The following GABRB1 variants were observed in gnomAD, a reference collection of about 807,000 sequenced individuals.
GABRB1 encodes gamma-aminobutyric acid receptor subunit beta-1.
Under a neutral mutation model 51.6 loss-of-function variants are expected in GABRB1, and 17 were observed. That is an observed-to-expected ratio of 0.33 (90% confidence interval 0.23 to 0.49). The LOEUF is 0.49. Among genes scored for constraint, GABRB1 ranks in the 20% least tolerant of loss-of-function variants. GABRB1 has a pLI of 0.99. For missense variants in GABRB1, 410 were observed against 600.6 expected (o/e 0.68, Z 3.32); for synonymous variants, 247 against 218.9 (o/e 1.13, Z -1.14).
At chr4:47,425,645 G>C (rs1290214166) in intron 8 of GABRB1, 29 bp from the exon 9 acceptor site, 2 of 1,532,802 alleles carry the variant, frequency 1.3e-6, no homozygotes, top group African/African-American at 1.4e-5. Context: ...CCTGCAACTT[G>C]TGTCCGAGCC....
chr4:47,341,538 A>C (rs1040018071), intron 5 of GABRB1, among the ~76,000 whole-genome samples: 6 of 152,196 alleles, frequency 3.9e-5, no homozygotes, highest in African/African-American at 1.4e-4. Context: ...TTAATGAACA[A>C]TGGTGGTCTG....
At chr4:47,085,736 C>T (rs946023020) in intron 3 of GABRB1, among the ~76,000 whole-genome samples, 7 of 152,154 alleles carry the variant, frequency 4.6e-5, no homozygotes, top group Admixed American at 3.9e-4. Flanking sequence ...TTGCTGGTCT[C>T]ATCTGAAGTC....
chr4:47,160,364 T>C (rs1717888663), intron 3 of GABRB1, among the ~76,000 whole-genome samples: 1 of 152,140 alleles, frequency 6.6e-6, no homozygotes, highest in African/African-American at 2.4e-5. Context: ...ACATCTCCAT[T>C]TGTATGTGCC....
chr4:47,260,516 G>A (rs1379379362), intron 4 of GABRB1, among the ~76,000 whole-genome samples: 5 of 152,242 alleles, frequency 3.3e-5, no homozygotes, highest in Admixed American at 1.3e-4. Flanking sequence ...TTTTAGGGCA[G>A]GCCTGGTGGT....
upstream of GABRB1, among the ~76,000 whole-genome samples, chr4:47,027,993 T>C (rs1174353242): frequency 2.0e-5 from 3 of 151,728 alleles, no homozygotes; most frequent in Admixed American, 6.6e-5. Flanking sequence ...CCCCAAAGTA[T>C]ATGAAATTGT....
At position 47,425,813 on chromosome 4, in the gene GABRB1, C is replaced by G. The variant is rs760363817; in HGVS notation, c.1220C>G (p.Pro407Arg). 3 of 1,614,044 alleles carry G rather than the reference C, an allele frequency of 1.9e-6. No individual in the cohort carries two copies. The Admixed American group carries it at 5.0e-5, about 27-fold the overall frequency. The change falls in exon 9 of 9, where the codon CCC becomes CGC. Residue 407 changes from proline to arginine, a missense_variant. By Grantham distance (103) the Pro-to-Arg change is moderately radical (BLOSUM62 -2). This residue lies in a region of GABRB1 where 181 missense variants were observed against 195.6 expected (regional missense o/e 0.93). Coordinates refer to ENST00000295454, the MANE Select transcript of GABRB1 (RefSeq NM_000812.4). ...YDSASIQYRKPLSSREAYGRA... is the reference protein window; with the variant it reads ...YDSASIQYRKRLSSREAYGRA... ...AGCGCCAGCATCCAGTACCGCAAGC[C>G]CCTGAGCAGCCGCGAGGCCTACGGG...
chr4:47,403,540 C>G lies in GABRB1; in HGVS notation c.683-19C>G. On this transcript the variant is annotated intron_variant, in intron 6 of 8. Transcript: ENST00000295454. ...ACCAAATAATGGTCTGATTACTTGTCTTTTGTTTCTCAACTCAGGAGCGTA... is the reference window on the plus strand; with the variant it reads ...ACCAAATAATGGTCTGATTACTTGTGTTTTGTTTCTCAACTCAGGAGCGTA... 1.2e-6 allele frequency: 2 copies of G among 1,613,612 alleles called. No individual in the cohort carries two copies. Among genetic ancestry groups the G allele is most frequent in the Middle Eastern group, 3.3e-4 (2 of 6,060 alleles).
chr4:47,008,852 C>CTTTGTTTTTTT, intron 1 of GABRB1, among the ~76,000 whole-genome samples: 1 of 56,486 alleles, frequency 1.8e-5, no homozygotes, highest in Non-Finnish European at 3.0e-5. Flanking sequence ...TCAGATACTA[C>CTTTGTTTTTTT]CTTTTTTTTT....
Position 47,020,005 on chromosome 4 carries a change from C to T in GABRB1, c.-19-11909C>T, listed in dbSNP as rs143340009. On this transcript the variant is annotated intron_variant, in intron 1 of 3. Transcript: ENST00000513567. ...TTCACCATGTTGCCTAGGCTGGTCT[C>T]GAACTCTTGGACTCAAGCAATCTAC... Among the ~76,000 whole-genome samples, 1,268 of 151,526 alleles carry T rather than the reference C, an allele frequency of 8.4e-3. 17 individuals are homozygous for T. The highest frequency in any genetic ancestry group is 0.029 in the African/African-American group (1,175 of 41,134).
intron 5 of GABRB1, among the ~76,000 whole-genome samples, chr4:47,338,239 T>C (rs1357091213): frequency 6.6e-6 from 1 of 152,212 alleles, no homozygotes; most frequent in Non-Finnish European, 1.5e-5. Context: ...TCACTCTTCC[T>C]GGCTGTATTT....
At chr4:47,069,679 T>C (rs924469704) in intron 3 of GABRB1, among the ~76,000 whole-genome samples, 17 of 152,214 alleles carry the variant, frequency 1.1e-4, no homozygotes, top group African/African-American at 3.6e-4. Context: ...CTCTCATTCC[T>C]GTCCATCAAA....
intron 8 of GABRB1, among the ~76,000 whole-genome samples, chr4:47,408,438 C>T (rs1049519888): frequency 2.0e-5 from 3 of 152,040 alleles, no homozygotes; most frequent in Non-Finnish European, 2.9e-5. Context: ...TTTAGTAGGA[C>T]GAAAGTTTGG....
intron 3 of GABRB1, among the ~76,000 whole-genome samples, chr4:47,084,921 C>CT (rs1318815728): frequency 7.2e-5 from 11 of 152,088 alleles, no homozygotes; most frequent in Admixed American, 2.0e-4. Flanking sequence ...ATATGACTCA[C>CT]TTTTTTTTCT....
chr4:47,265,871 A>T (rs1722624598), intron 4 of GABRB1, among the ~76,000 whole-genome samples: 2 of 152,162 alleles, frequency 1.3e-5, no homozygotes. Context: ...TATAGTTTGC[A>T]AAACATTCTC....
At chr4:47,124,336 G>A (rs1285105844) in intron 3 of GABRB1, among the ~76,000 whole-genome samples, 4 of 152,058 alleles carry the variant, frequency 2.6e-5, no homozygotes, top group Non-Finnish European at 2.9e-5. Flanking sequence ...CAATCCTGGA[G>A]GCAGTACCAT....
chr4:47,049,124 G>T (rs1454739434), intron 3 of GABRB1, among the ~76,000 whole-genome samples: 1 of 151,268 alleles, frequency 6.6e-6, no homozygotes, highest in Non-Finnish European at 1.5e-5. Context: ...CCAAGTTTTC[G>T]TTGCTCCCTC....
intron 4 of GABRB1, among the ~76,000 whole-genome samples, chr4:47,290,517 T>C (rs1272773108): frequency 6.6e-6 from 1 of 152,160 alleles, no homozygotes; most frequent in Non-Finnish European, 1.5e-5. Context: ...TGGAACTGGG[T>C]AACAGGCAGG....
At chr4:47,096,683 T>C (rs1288665703) in intron 3 of GABRB1, among the ~76,000 whole-genome samples, 3 of 152,010 alleles carry the variant, frequency 2.0e-5, no homozygotes, top group Non-Finnish European at 4.4e-5. Context: ...CCAGATGTGG[T>C]AAGAAGGAAT....
intron 4 of GABRB1, among the ~76,000 whole-genome samples, chr4:47,237,303 A>G (rs1406029446): frequency 6.6e-6 from 1 of 152,062 alleles, no homozygotes; most frequent in Non-Finnish European, 1.5e-5. Flanking sequence ...TATTGTTCAC[A>G]TACTTTGCAC....
Sources: gnomAD v4.1 joint callset for allele counts (sites outside exome capture counted in the v4.1 genomes callset) on GRCh38, gnomAD v4.1.1 for gene constraint, gnomAD v4.1.1 regional missense constraint, MANE v1.5 for transcripts, NCBI Gene and HGNC (gene_info 2026-07-23, HGNC 2026-07-21) for gene names.